The following MEF2C variants were observed in gnomAD, a reference collection of about 807,000 sequenced individuals.
MEF2C encodes the protein myocyte enhancer factor 2C, also known as myocyte-specific enhancer factor 2C.
In MEF2C, 6 loss-of-function variants were observed where a neutral mutation model predicts 50.5. The ratio of observed to expected loss-of-function variants is 0.12; its 90% confidence interval spans 0.07 to 0.23. MEF2C has a LOEUF of 0.23. MEF2C is among the 10% of genes least tolerant of loss of function. The pLI is 1.00. For synonymous variants in MEF2C, 183 were observed against 228.0 expected (o/e 0.80, Z 1.78); for missense variants, 276 against 605.0 (o/e 0.46, Z 5.70).
intron 2 of MEF2C, among the ~76,000 whole-genome samples, chr5:88,823,520 T>C (rs1180599357): frequency 2.0e-5 from 3 of 151,928 alleles, no homozygotes; most frequent in African/African-American, 7.2e-5. Context: ...AAAAAGTGAA[T>C]AATGACAAAT....
rs17852406 is a variant in MEF2C, at chr5:88,751,993, G to A, written c.453C>T (p.Ser151=). 1.2e-6 allele frequency: 2 copies of A among 1,613,628 alleles called. No individual in the cohort carries two copies. The highest frequency in any genetic ancestry group is 1.7e-6 in the Non-Finnish European group (2 of 1,179,670). ...GGTTGCTGTACACCAAACTGTTGTG[G>A]CTGGACACTGGGATGGAGACTGGCA... ...FEMPVSIPVS[S]HNSLVYSNPV... The change falls in exon 5 of 11, where the codon AGC becomes AGT. Residue 151 remains serine (S), a synonymous_variant. Transcript: ENST00000504921.
intron 3 of MEF2C, among the ~76,000 whole-genome samples, chr5:88,784,798 G>T (rs1279237716): frequency 6.6e-6 from 1 of 152,148 alleles, no homozygotes; most frequent in Non-Finnish European, 1.5e-5. Context: ...TCACTATCTA[G>T]GTTGAAAATG....
intron 1 of MEF2C, among the ~76,000 whole-genome samples, chr5:88,848,979 C>T (rs1258303708): frequency 3.5e-4 from 53 of 151,730 alleles, no homozygotes; most frequent in Admixed American, 3.4e-3. Flanking sequence ...GGTGAAACCC[C>T]GTCTCTACTA....
chr5:88,895,387 A>G (rs975608242), intron 1 of MEF2C, among the ~76,000 whole-genome samples: 9 of 152,104 alleles, frequency 5.9e-5, no homozygotes, highest in Non-Finnish European at 1.2e-4. Flanking sequence ...TTCTTATTGG[A>G]TTTCATCAGA....
intron 5 of MEF2C, chr5:88,751,491 A>C (rs1772723459): frequency 1.0e-6 from 1 of 985,350 alleles, no homozygotes; most frequent in Non-Finnish European, 1.2e-6. Context: ...AAGGTTTCAC[A>C]GAAGTGGTAG....
chr5:88,843,383 AT>A, intron 1 of MEF2C: 8 of 985,318 alleles, frequency 8.1e-6, no homozygotes, highest in Non-Finnish European at 8.4e-6. Context: ...GAACCAACAA[AT>A]TGTTGAAATT....
At chr5:88,835,167 C>A (rs867289922) in intron 1 of MEF2C, among the ~76,000 whole-genome samples, 56 of 152,132 alleles carry the variant, frequency 3.7e-4, no homozygotes, top group African/African-American at 1.2e-3. Flanking sequence ...CTGATAAATA[C>A]AATGCAAAAT....
intron 1 of MEF2C, among the ~76,000 whole-genome samples, chr5:88,877,484 A>G (rs183749180): frequency 6.6e-6 from 1 of 152,172 alleles, no homozygotes; most frequent in Non-Finnish European, 1.5e-5. Flanking sequence ...GAGATGTGAG[A>G]TAATAGTATA....
intron 6 of MEF2C, chr5:88,738,524 A>G: frequency 1.0e-5 from 9 of 893,030 alleles, no homozygotes; most frequent in Non-Finnish European, 1.2e-5. Context: ...GCTCAATGTC[A>G]AACAGCTATC....
chr5:88,885,602 C>T (rs1833978878), upstream of MEF2C, among the ~76,000 whole-genome samples: 1 of 152,124 alleles, frequency 6.6e-6, no homozygotes, highest in Admixed American at 6.5e-5. Flanking sequence ...ATTCAAAGTA[C>T]AACTTCTCTG....
At chr5:88,850,162 C>T (rs1820808290) in intron 1 of MEF2C, among the ~76,000 whole-genome samples, 2 of 151,908 alleles carry the variant, frequency 1.3e-5, no homozygotes, top group African/African-American at 4.8e-5. Context: ...TTCAACTTCC[C>T]CCTATGAGTG....
At chr5:88,754,103 C>T (rs1026486843) in intron 4 of MEF2C, among the ~76,000 whole-genome samples, 1 of 152,214 alleles carries the variant, frequency 6.6e-6, no homozygotes, top group Non-Finnish European at 1.5e-5. Flanking sequence ...ACTGCATCAA[C>T]CAGGCTCTCC....
intron 2 of MEF2C, among the ~76,000 whole-genome samples, chr5:88,812,035 A>C (rs1222748811): frequency 6.6e-6 from 1 of 152,112 alleles, no homozygotes. Flanking sequence ...AGTGTAAATA[A>C]CTTGTTAACT....
chr5:88,813,345 GAGA>G (rs1222322120), intron 2 of MEF2C, among the ~76,000 whole-genome samples: 5 of 152,146 alleles, frequency 3.3e-5, no homozygotes, highest in African/African-American at 9.7e-5. Context: ...TCTAAAAACA[GAGA>G]AGGAGTCCTG....
intron 1 of MEF2C, among the ~76,000 whole-genome samples, chr5:88,890,720 C>T (rs1834442186): frequency 6.6e-6 from 1 of 152,218 alleles, no homozygotes; most frequent in African/African-American, 2.4e-5. Flanking sequence ...TTAGGACACT[C>T]TTGGAGTTTC....
chr5:88,900,476 C>G (rs1251817108), intron 1 of MEF2C, among the ~76,000 whole-genome samples: 2 of 150,880 alleles, frequency 1.3e-5, no homozygotes, highest in Non-Finnish European at 3.0e-5. Context: ...TATGTATTAC[C>G]TTTGATAATT....
At chr5:88,869,882 G>C (rs1828985686) in intron 1 of MEF2C, among the ~76,000 whole-genome samples, 1 of 150,098 alleles carries the variant, frequency 6.7e-6, no homozygotes, top group South Asian at 2.1e-4. Flanking sequence ...TCTCTATATG[G>C]GCTAAGAAAG....
chr5:88,845,950 T>C (rs1304949216), intron 1 of MEF2C, among the ~76,000 whole-genome samples: 2 of 152,174 alleles, frequency 1.3e-5, no homozygotes, highest in African/African-American at 4.8e-5. Context: ...TTTCTTAACA[T>C]TGAATTTTCA....
intron 3 of MEF2C, among the ~76,000 whole-genome samples, chr5:88,788,040 G>A (rs1424225957): frequency 2.0e-5 from 3 of 152,148 alleles, no homozygotes; most frequent in Non-Finnish European, 2.9e-5. Context: ...CCTGGCTCAG[G>A]TCCTGACTGA....
Sources: allele counts gnomAD v4.1 joint callset (sites outside exome capture counted in the v4.1 genomes callset), GRCh38; gene constraint gnomAD v4.1.1; transcripts MANE v1.5; gene names NCBI Gene and HGNC (gene_info 2026-07-23, HGNC 2026-07-21).